Variants in ZNF521 observed in about 807,000 individuals in gnomAD.
The protein encoded by ZNF521 is LYST-interacting protein 3.
In ZNF521, 14 loss-of-function variants were observed where a neutral mutation model predicts 105.5. The observed-to-expected ratio is 0.13, with a 90% CI of 0.09 to 0.21. ZNF521 has a LOEUF of 0.21. ZNF521 is among the 10% of genes least tolerant of loss of function. The pLI is 1.00. For missense variants in ZNF521, 1,233 were observed against 1,629.7 expected (o/e 0.76, Z 4.19); for synonymous variants, 635 against 606.0 (o/e 1.05, Z -0.70).
At chr18:25,285,299 A>G (rs1003642002) in intron 3 of ZNF521, among the ~76,000 whole-genome samples, 6 of 152,180 alleles carry the variant, frequency 3.9e-5, no homozygotes, top group Non-Finnish European at 2.9e-5. Context: ...AAGGGTCCCA[A>G]GTTCAAATTT....
intron 3 of ZNF521, among the ~76,000 whole-genome samples, chr18:25,318,152 T>C (rs1356825368): frequency 6.6e-6 from 1 of 152,170 alleles, no homozygotes; most frequent in African/African-American, 2.4e-5. Flanking sequence ...ACACTACTTA[T>C]ATACACAACA....
At chr18:25,297,059 C>T (rs1372805477) in intron 3 of ZNF521, among the ~76,000 whole-genome samples, 2 of 151,610 alleles carry the variant, frequency 1.3e-5, no homozygotes, top group African/African-American at 4.8e-5. Flanking sequence ...TTTCTTTATA[C>T]ATTTTTCCCA....
chr18:25,107,916 G>A (rs1389840249), intron 5 of ZNF521, among the ~76,000 whole-genome samples: 2 of 152,206 alleles, frequency 1.3e-5, no homozygotes, highest in Admixed American at 1.3e-4. Flanking sequence ...ACCTGCTGTG[G>A]AATAGATCCG....
intron 3 of ZNF521, among the ~76,000 whole-genome samples, chr18:25,260,379 G>A (rs1252450921): frequency 6.6e-6 from 1 of 152,098 alleles, no homozygotes; most frequent in Non-Finnish European, 1.5e-5. Context: ...AAAAAGAACA[G>A]GTAGCAACAT....
At chr18:25,126,766 G>A (rs2034546596) in intron 5 of ZNF521, among the ~76,000 whole-genome samples, 1 of 152,178 alleles carries the variant, frequency 6.6e-6, no homozygotes, top group Non-Finnish European at 1.5e-5. Flanking sequence ...AGTGATTAAT[G>A]TGTTATTTGG....
Position 25,225,433 on chromosome 18 carries a change from G to C in ZNF521, c.2485C>G (p.Arg829Gly). The change falls in exon 4 of 8, where the codon CGA becomes GGA. Residue 829 changes from arginine to glycine, a missense_variant. By Grantham distance (125) the Arg-to-Gly change is moderately radical. Coordinates refer to ENST00000361524, the MANE Select transcript of ZNF521 (RefSeq NM_015461.3). The surrounding 1 kb of genome is among the most constrained non-coding windows in gnomAD (Gnocchi z 5.6). Reference sequence around the variant, plus strand: ...GTTTCGAATACACAGTGTTTTTCTCGCAAGTGTTTTTCTAACAAAATGATC... The same window carrying C: ...GTTTCGAATACACAGTGTTTTTCTCCCAAGTGTTTTTCTAACAAAATGATC... Reference protein sequence around the residue: ...HAIILLEKHLREKHCVFETKT... With the variant: ...HAIILLEKHLGEKHCVFETKT... 6.2e-7 allele frequency: 1 copy of C among 1,614,128 alleles called. No individual in the cohort carries two copies. Among genetic ancestry groups the C allele is most frequent in the South Asian group, 1.1e-5 (1 of 91,082 alleles).
intron 5 of ZNF521, among the ~76,000 whole-genome samples, chr18:25,139,224 G>C (rs2034796422): frequency 6.6e-6 from 1 of 151,564 alleles, no homozygotes; most frequent in South Asian, 2.1e-4. Context: ...AAAAAAATTA[G>C]CTGGGTGTGG....
intron 5 of ZNF521, among the ~76,000 whole-genome samples, chr18:25,171,013 A>G (rs2035439858): frequency 1.3e-5 from 2 of 152,148 alleles, no homozygotes; most frequent in East Asian, 1.9e-4. Flanking sequence ...CATACTGTCT[A>G]TATCATGTAC....
chr18:25,274,702 C>T (rs1011575987), intron 3 of ZNF521, among the ~76,000 whole-genome samples: 2 of 152,186 alleles, frequency 1.3e-5, no homozygotes, highest in African/African-American at 2.4e-5. Flanking sequence ...GAAATACTTG[C>T]ATACTGCCAG....
At chr18:25,116,163 T>G (rs1455397586) in intron 5 of ZNF521, among the ~76,000 whole-genome samples, 1 of 152,084 alleles carries the variant, frequency 6.6e-6, no homozygotes, top group Non-Finnish European at 1.5e-5. Flanking sequence ...TTTTAGGCAC[T>G]CCAGGAAGAA....
At chr18:25,176,138 T>A (rs907783985) in intron 5 of ZNF521, among the ~76,000 whole-genome samples, 7 of 152,170 alleles carry the variant, frequency 4.6e-5, no homozygotes, top group Non-Finnish European at 5.9e-5. Context: ...GCCGTGTGAG[T>A]CTTTTTATGG....
chr18:25,262,343 T>G (rs1908967853), intron 3 of ZNF521, among the ~76,000 whole-genome samples: 1 of 152,252 alleles, frequency 6.6e-6, no homozygotes, highest in South Asian at 2.1e-4. Flanking sequence ...TTATAGAAAT[T>G]CCTGTACTCC....
chr18:25,176,519 T>C (rs1420414383), intron 5 of ZNF521, among the ~76,000 whole-genome samples: 2 of 152,206 alleles, frequency 1.3e-5, no homozygotes, highest in Non-Finnish European at 2.9e-5. Context: ...ATCTAGCCTC[T>C]AATATCAGTT....
intron 4 of ZNF521, among the ~76,000 whole-genome samples, chr18:25,214,781 C>G (rs910294800): frequency 6.6e-6 from 1 of 151,976 alleles, no homozygotes; most frequent in East Asian, 1.9e-4. Flanking sequence ...ATAGGAAGCA[C>G]GTGAAGGAGA....
At chr18:25,125,590 A>G (rs1173579574) in intron 5 of ZNF521, among the ~76,000 whole-genome samples, 1 of 151,780 alleles carries the variant, frequency 6.6e-6, no homozygotes, top group Non-Finnish European at 1.5e-5. Context: ...TGCATCAGCT[A>G]TCTCTTTGAC....
intron 5 of ZNF521, among the ~76,000 whole-genome samples, chr18:25,158,676 C>T (rs949033726): frequency 7.2e-5 from 11 of 151,986 alleles, no homozygotes; most frequent in Non-Finnish European, 1.0e-4. Context: ...AAATACCAGC[C>T]GGGTGTGGTG....
intron 5 of ZNF521, among the ~76,000 whole-genome samples, chr18:25,109,176 T>C (rs2034134388): frequency 6.6e-6 from 1 of 152,086 alleles, no homozygotes; most frequent in South Asian, 2.1e-4. Flanking sequence ...GTGTATCCAT[T>C]GTTTAGTTCC....
intron 5 of ZNF521, among the ~76,000 whole-genome samples, chr18:25,152,648 C>G (rs2035070876): frequency 1.3e-5 from 2 of 151,924 alleles, no homozygotes; most frequent in Non-Finnish European, 1.5e-5. Flanking sequence ...AGAGGAGACC[C>G]CGGAAAATTA....
chr18:25,277,812 G>T (rs902463521), intron 3 of ZNF521, among the ~76,000 whole-genome samples: 1 of 152,152 alleles, frequency 6.6e-6, no homozygotes, highest in African/African-American at 2.4e-5. Context: ...AGTCAAAGAT[G>T]ATGAGGCCTT....
Sources: allele counts gnomAD v4.1 joint callset (sites outside exome capture counted in the v4.1 genomes callset), GRCh38; gene constraint gnomAD v4.1.1; non-coding constraint Gnocchi (gnomAD v3.1); transcripts MANE v1.5; gene names NCBI Gene and HGNC (gene_info 2026-07-23, HGNC 2026-07-21).